ZSCAN5A: variants seen among roughly 807,000 people sequenced by gnomAD.
ZSCAN5A encodes the protein zinc finger and SCAN domain containing 5A.
ZSCAN5A carries 12 observed loss-of-function variants against 23.7 expected under a neutral mutation model. The observed-to-expected ratio is 0.51, with a 90% CI of 0.32 to 0.82. The LOEUF is 0.82. Among genes scored for constraint, ZSCAN5A ranks in the 40% least tolerant of loss-of-function variants. The probability of loss-of-function intolerance (pLI) is 0.03; values close to 1 mark genes in which losing one functional copy is unlikely to be tolerated. For missense variants in ZSCAN5A, 597 were observed against 617.9 expected (o/e 0.97, Z 0.36); for synonymous variants, 257 against 239.9 (o/e 1.07, Z -0.66).
intron 2 of ZSCAN5A, chr19:56,320,130 C>G (rs1355782863): frequency 8.8e-5 from 67 of 759,078 alleles, no homozygotes; most frequent in South Asian, 8.0e-4. Flanking sequence ...GTTAACTGTT[C>G]TGATCAAAGT....
intron 2 of ZSCAN5A, chr19:56,342,609 ACT>A: frequency 2.3e-6 from 1 of 444,126 alleles, no homozygotes. Context: ...AACATCCTGC[ACT>A]CTTCCTTGAT....
Position 56,223,787 on chromosome 19 carries a change from A to G in ZSCAN5A, c.432T>C (p.Asp144=). 1.2e-6 allele frequency: 2 copies of G among 1,613,756 alleles called. No individual in the cohort carries two copies. Among genetic ancestry groups the G allele is most frequent in the Non-Finnish European group, 1.7e-6 (2 of 1,179,994 alleles). ...HGKEYIVQDS[D]IEMAEAPSSV... Reference sequence around the variant, plus strand: ...TGGAGGGGGCTTCAGCCATCTCGATATCTGAGTCCTGCACAATATATTCCT... The same window carrying G: ...TGGAGGGGGCTTCAGCCATCTCGATGTCTGAGTCCTGCACAATATATTCCT... Residue 144 remains aspartate (D), a synonymous_variant, in exon 4 of 6, where the codon GAT becomes GAC. Transcript: ENST00000683990.
chr19:56,329,007 AAAT>A (rs2041464324), intron 2 of ZSCAN5A, among the ~76,000 whole-genome samples: 1 of 137,700 alleles, frequency 7.3e-6, no homozygotes, highest in African/African-American at 3.1e-5. Context: ...AAAAAAAAAA[AAAT>A]AAATAAATAA....
intron 2 of ZSCAN5A, among the ~76,000 whole-genome samples, chr19:56,282,752 T>A (rs2038810358): frequency 6.6e-6 from 1 of 152,220 alleles, no homozygotes; most frequent in South Asian, 2.1e-4. Context: ...CGCACATGGC[T>A]CAAGGAAAGC....
intron 2 of ZSCAN5A, chr19:56,320,250 G>T: frequency 2.0e-6 from 1 of 512,102 alleles, no homozygotes. Context: ...CCTGAGTAGG[G>T]CTTGCTCTGC....
chr19:56,292,082 C>T (rs1328776559), intron 2 of ZSCAN5A, among the ~76,000 whole-genome samples: 11 of 152,244 alleles, frequency 7.2e-5, no homozygotes, highest in Non-Finnish European at 1.3e-4. Context: ...TCCTGGGCTG[C>T]GTGACTCAGC....
chr19:56,358,939 A>G (rs2041715094), intron 2 of ZSCAN5A, among the ~76,000 whole-genome samples: 1 of 152,240 alleles, frequency 6.6e-6, no homozygotes, highest in Non-Finnish European at 1.5e-5. Flanking sequence ...TAAGAGGGAA[A>G]TTTACAGCAC....
intron 2 of ZSCAN5A, among the ~76,000 whole-genome samples, chr19:56,242,769 C>A (rs7256105): frequency 0.048 from 6,554 of 136,702 alleles, 478 homozygotes; most frequent in African/African-American, 0.16. Flanking sequence ...TTCAAAAAAT[C>A]GTTCTTTCTT....
At position 56,221,416 on chromosome 19, in the gene ZSCAN5A, G is replaced by T; in HGVS notation, c.*159C>A. Reference sequence around the variant, plus strand: ...TGAAACAGAAAACAAAGCTCAGTGGGGAGGACACATATTTACTCAAACATC... The same window carrying T: ...TGAAACAGAAAACAAAGCTCAGTGGTGAGGACACATATTTACTCAAACATC... On this transcript the variant is annotated 3_prime_UTR_variant, in exon 6 of 6. Transcript: ENST00000683990. The T allele has an allele frequency of 1.3e-6, 1 of 773,802 alleles. No individual in the cohort carries two copies. The highest frequency in any genetic ancestry group is 2.0e-6 in the Non-Finnish European group (1 of 500,682). The allele number at this position is 773,802 out of a possible 1,614,324, so 47.9% of individuals were successfully genotyped here.
intron 2 of ZSCAN5A, among the ~76,000 whole-genome samples, chr19:56,324,812 C>A (rs1396010631): frequency 6.6e-6 from 1 of 152,152 alleles, no homozygotes; most frequent in Non-Finnish European, 1.5e-5. Context: ...GTTGTGTGAG[C>A]CCCTTGAGGC....
At chr19:56,243,912 T>C in intron 2 of ZSCAN5A, 1 of 506,626 alleles carries the variant, frequency 2.0e-6, no homozygotes. Flanking sequence ...TCATGTTTTT[T>C]TTTGCAGACT....
intron 2 of ZSCAN5A, among the ~76,000 whole-genome samples, chr19:56,236,463 C>T (rs370317814): frequency 0.026 from 1,519 of 57,472 alleles, 3 homozygotes; most frequent in East Asian, 0.07. Flanking sequence ...CTCTGATGGA[C>T]GGTGGGCCAA....
At chr19:56,331,900 A>T (rs910516419) in intron 2 of ZSCAN5A, among the ~76,000 whole-genome samples, 4 of 151,740 alleles carry the variant, frequency 2.6e-5, no homozygotes, top group Non-Finnish European at 4.4e-5. Context: ...ATTTCAAAGA[A>T]TTTTTTTTAT....
chr19:56,227,233 G>T (rs1234077069), intron 2 of ZSCAN5A, among the ~76,000 whole-genome samples: 1 of 152,174 alleles, frequency 6.6e-6, no homozygotes, highest in Non-Finnish European at 1.5e-5. Context: ...GCTCAATTTA[G>T]CCATTTAACA....
chr19:56,277,932 T>C (rs865989627), intron 2 of ZSCAN5A, among the ~76,000 whole-genome samples: 1 of 152,140 alleles, frequency 6.6e-6, no homozygotes, highest in South Asian at 2.1e-4. Context: ...ATAAGGATAA[T>C]AAATATACAT....
chr19:56,289,885 A>G (rs1298436986), intron 2 of ZSCAN5A, among the ~76,000 whole-genome samples: 1 of 152,174 alleles, frequency 6.6e-6, no homozygotes, highest in African/African-American at 2.4e-5. Flanking sequence ...AAGTGCTGGG[A>G]TTACAGGCAG....
At chr19:56,225,887 C>T (rs375828482) in intron 2 of ZSCAN5A, among the ~76,000 whole-genome samples, 142 of 119,762 alleles carry the variant, frequency 1.2e-3, no homozygotes, top group African/African-American at 4.1e-3. Context: ...AATCACTAAT[C>T]TACCTTCTGT....
At chr19:56,255,019 G>A (rs1401424123) in intron 2 of ZSCAN5A, among the ~76,000 whole-genome samples, 3 of 151,778 alleles carry the variant, frequency 2.0e-5, no homozygotes, top group African/African-American at 4.8e-5. Flanking sequence ...GACCTTTGAT[G>A]CAAAAACTGT....
intron 2 of ZSCAN5A, among the ~76,000 whole-genome samples, chr19:56,345,685 G>T (rs35626174): frequency 0.046 from 6,940 of 152,146 alleles, 153 homozygotes; most frequent in Middle Eastern, 0.11. Flanking sequence ...CCTTTAACTG[G>T]CTCTCTGAGC....
Sources: gnomAD v4.1 joint callset for allele counts (sites outside exome capture counted in the v4.1 genomes callset) on GRCh38, gnomAD v4.1.1 for gene constraint, MANE v1.5 for transcripts, NCBI Gene and HGNC (gene_info 2026-07-23, HGNC 2026-07-21) for gene names.